The following PAN3 variants were observed in gnomAD, a reference collection of about 807,000 sequenced individuals.
The protein encoded by PAN3 is PAN2-PAN3 deadenylation complex subunit PAN3.
Under a neutral mutation model 96.2 loss-of-function variants are expected in PAN3, and 19 were observed. The ratio of observed to expected loss-of-function variants is 0.20; its 90% CI spans 0.14 to 0.29. The LOEUF is 0.29. Ranked by LOEUF, PAN3 falls within the 10% of genes least tolerant of loss-of-function variation. PAN3 has a pLI of 1.00. For synonymous variants in PAN3, 433 were observed against 406.6 expected, an observed-to-expected ratio of 1.06 and a Z score of -0.78; for missense variants, 882 against 1,108.1, an observed-to-expected ratio of 0.80 and a Z score of 2.90.
intron 14 of PAN3, among the ~76,000 whole-genome samples, chr13:28,273,435 C>T (rs1375111699): frequency 6.6e-6 from 1 of 152,018 alleles, no homozygotes; most frequent in Non-Finnish European, 1.5e-5. Context: ...AACCCCACCT[C>T]TCCTAAAAAT....
chr13:28,274,687 A>G (rs773368842), intron 14 of PAN3, among the ~76,000 whole-genome samples: 1 of 152,218 alleles, frequency 6.6e-6, no homozygotes. Context: ...GCCTTCATTC[A>G]TAAAATCAGG....
intron 1 of PAN3, among the ~76,000 whole-genome samples, chr13:28,153,413 T>G (rs1344125195): frequency 6.6e-6 from 1 of 151,884 alleles, no homozygotes; most frequent in African/African-American, 2.4e-5. Context: ...TTTTTGTATT[T>G]TTTTTAGTAG....
At chr13:28,282,942 A>G (rs76201653) in intron 17 of PAN3, among the ~76,000 whole-genome samples, 7,488 of 152,116 alleles carry the variant, frequency 0.049, 277 homozygotes, top group South Asian at 0.15. Context: ...AGCTTCCTGA[A>G]AAAGGTGAGT....
chr13:28,265,317 A>C (rs1196835513), intron 9 of PAN3, among the ~76,000 whole-genome samples: 1 of 152,220 alleles, frequency 6.6e-6, no homozygotes, highest in Non-Finnish European at 1.5e-5. Flanking sequence ...CTGCTGCCTC[A>C]GCCTCCCAAG....
At chr13:28,160,771 T>C (rs1295799552) in intron 1 of PAN3, among the ~76,000 whole-genome samples, 1 of 152,224 alleles carries the variant, frequency 6.6e-6, no homozygotes, top group Non-Finnish European at 1.5e-5. Context: ...AGGGAGAGAT[T>C]GATCTATTTA....
intron 4 of PAN3, among the ~76,000 whole-genome samples, chr13:28,190,579 C>T (rs1483840617): frequency 2.6e-5 from 4 of 151,972 alleles, no homozygotes; most frequent in Non-Finnish European, 4.4e-5. Flanking sequence ...TGTTTTACCA[C>T]GGGAAAAGGG....
chr13:28,256,092 A>C (rs1885114942), intron 6 of PAN3, among the ~76,000 whole-genome samples, 200 bp from the exon 7 acceptor site: 1 of 152,152 alleles, frequency 6.6e-6, no homozygotes, highest in African/African-American at 2.4e-5. Flanking sequence ...AAATAAGTAC[A>C]TTTGAAAAAA....
At chr13:28,269,951 G>T (rs1351396949) in intron 12 of PAN3, among the ~76,000 whole-genome samples, 3 of 152,108 alleles carry the variant, frequency 2.0e-5, no homozygotes. Context: ...AGATCAGCAG[G>T]GTGTAGGGAC....
chr13:28,271,007 G>C (rs1886576381), intron 13 of PAN3, 141 bp downstream of exon 13: 1 of 911,866 alleles, frequency 1.1e-6, no homozygotes, highest in South Asian at 2.2e-5. Context: ...TCATTTGTAA[G>C]CTTTTTAAAG....
At chr13:28,159,933 T>A (rs1872694560) in intron 1 of PAN3, among the ~76,000 whole-genome samples, 1 of 152,008 alleles carries the variant, frequency 6.6e-6, no homozygotes. Context: ...GGTTTTTTTT[T>A]TTTAATATTT....
intron 6 of PAN3, chr13:28,239,768 T>C (rs1883472189): frequency 2.2e-6 from 2 of 894,260 alleles, no homozygotes; most frequent in African/African-American, 1.7e-5. Flanking sequence ...GGGGTTGCTG[T>C]TGTGAAAACA....
chr13:28,251,618 C>T (rs9554292), intron 6 of PAN3, among the ~76,000 whole-genome samples: 20,210 of 152,242 alleles, frequency 0.13, 1,597 homozygotes, highest in East Asian at 0.32. Flanking sequence ...TGCTCTTCGA[C>T]AGACAGGCTT....
intron 12 of PAN3, among the ~76,000 whole-genome samples, chr13:28,267,739 T>C (rs1886303111): frequency 6.6e-6 from 1 of 152,154 alleles, no homozygotes; most frequent in African/African-American, 2.4e-5. Flanking sequence ...CTGTCAGATC[T>C]CATGAGACCT....
intron 4 of PAN3, among the ~76,000 whole-genome samples, chr13:28,178,558 A>G (rs1198289568): frequency 1.3e-5 from 2 of 152,118 alleles, no homozygotes; most frequent in Non-Finnish European, 2.9e-5. Flanking sequence ...TCTAGAGAAG[A>G]TAGTCTTTTT....
At chr13:28,139,514 TTGTGTGTGTGTGTGTGTGTGTGTG>T (rs10577740) in intron 1 of PAN3, among the ~76,000 whole-genome samples, 12 of 93,102 alleles carry the variant, frequency 1.3e-4, no homozygotes, top group African/African-American at 6.3e-4. Flanking sequence ...AGGGGTGTGT[TTGTGTGTGTGTGTGTGTGTGTGTG>T]TGTGTGTGTG....
intron 9 of PAN3, among the ~76,000 whole-genome samples, chr13:28,263,348 T>C (rs1885892441): frequency 6.6e-6 from 1 of 152,230 alleles, no homozygotes; most frequent in Non-Finnish European, 1.5e-5. Flanking sequence ...AAATAAACTT[T>C]TATTGAGACA....
rs200149556 is a variant in PAN3, at chr13:28,199,734, AT to A, written c.852+2397del. ...AAAAGTAACTTACCAATTCCATACC[AT>A]TTTTTTTTCCTTTTGTGTGATTAGA... is the stretch of plus-strand genomic sequence containing the variant. On this transcript the variant is annotated intron_variant, in intron 5 of 18. Transcript: ENST00000380958. 8.6e-3 allele frequency among the ~76,000 whole-genome samples: 1,299 copies of A among 150,402 alleles called. 6 individuals carry two copies. Among genetic ancestry groups the A allele is most frequent in the Non-Finnish European group, 0.012 (780 of 67,490 alleles).
chr13:28,274,873 A>T (rs1043474204), intron 14 of PAN3, among the ~76,000 whole-genome samples: 1 of 152,192 alleles, frequency 6.6e-6, no homozygotes, highest in African/African-American at 2.4e-5. Context: ...AGAGAAGAGG[A>T]TACATGAGGA....
At chr13:28,158,135 G>A (rs1325541865) in intron 1 of PAN3, among the ~76,000 whole-genome samples, 1 of 152,132 alleles carries the variant, frequency 6.6e-6, no homozygotes, top group African/African-American at 2.4e-5. Context: ...TGAGATAACT[G>A]GCTAGCCATA....
Sources: allele counts gnomAD v4.1 joint callset (sites outside exome capture counted in the v4.1 genomes callset), GRCh38; gene constraint gnomAD v4.1.1; transcripts MANE v1.5; gene names NCBI Gene and HGNC (gene_info 2026-07-23, HGNC 2026-07-21).